FAM110C: variants seen among roughly 807,000 people sequenced by gnomAD.
FAM110C encodes family with sequence similarity 110 member C, also known as protein FAM110C.
In FAM110C, 19 loss-of-function variants were observed where a neutral mutation model predicts 15.7. The observed-to-expected ratio is 1.21, with a 90% CI of 0.85 to 1.78. The LOEUF is 1.78. Ranked by LOEUF, FAM110C falls within the 40% of genes most tolerant of loss-of-function variation. FAM110C has a pLI of 0.00. For synonymous variants in FAM110C, 275 were observed against 233.9 expected (o/e 1.18, Z -1.61); for missense variants, 547 against 495.7 (o/e 1.10, Z -0.98).
chr2:44,524 A>G, intron 1 of FAM110C: 1 of 985,428 alleles, frequency 1.0e-6, no homozygotes. Context: ...ATTGAAGGGT[A>G]AGAGGAAAAA....
At position 41,227 on chromosome 2, in the gene FAM110C, C is replaced by A; in HGVS notation, c.*381G>T. ...CAAAAGGGGCACATACCATAGCATT[C>A]ATGCTTGGTTTTTATTTTCCTTGAT... On this transcript the variant is annotated 3_prime_UTR_variant, in exon 2 of 2. Coordinates refer to ENST00000327669, the MANE Select transcript of FAM110C (RefSeq NM_001077710.3). 1 of 200,198 alleles carries A rather than the reference C, an allele frequency of 5.0e-6. No homozygotes were observed. The highest frequency in any genetic ancestry group is 1.0e-5 in the Non-Finnish European group (1 of 99,964). 12.4% of individuals were successfully genotyped at this position (200,198 alleles called of 1,614,324 possible). A position where few individuals can be genotyped will look rare whatever the true frequency, so the allele number is the denominator to read the frequency against.
At chr2:43,348 A>AGTCT (rs1442519996) in intron 1 of FAM110C, 1 of 985,296 alleles carries the variant, frequency 1.0e-6, no homozygotes, top group African/African-American at 1.7e-5. Flanking sequence ...CATTGTCTCC[A>AGTCT]GTCTGGAACA....
chr2:46,105 G>A lies in FAM110C; in HGVS notation c.281C>T (p.Pro94Leu). The change falls in exon 1 of 2, where the codon CCG (proline) becomes CTG (leucine). Residue 94 changes from proline to leucine, a missense_variant. Transcript: ENST00000327669. ...GATGATCAGCGAGTCCGGTCTCAAC[G>A]GCTTCCGCGCAATAGCCCTGCGCGC... The part of the protein sequence containing the change: ...PVARRAIARK[P>L]LRPDSLIIYR... The A allele has an allele frequency of 1.3e-6, 2 of 1,505,736 alleles. No homozygotes were observed. The highest frequency in any genetic ancestry group is 1.8e-6 in the Non-Finnish European group (2 of 1,134,942). 93.3% of individuals were successfully genotyped at this position (1,505,736 alleles called of 1,614,324 possible). A position where few individuals can be genotyped will look rare whatever the true frequency, so the allele number is the denominator to read the frequency against.
At chr2:42,335 G>A in intron 1 of FAM110C, 1 of 984,936 alleles carries the variant, frequency 1.0e-6, no homozygotes, top group Non-Finnish European at 1.2e-6. Context: ...TTTTTGCCTT[G>A]AAATTAAGCA....
chr2:46,284 C>T lies in FAM110C; in HGVS notation c.102G>A (p.Arg34=). 2 of 1,361,010 alleles carry T rather than the reference C, an allele frequency of 1.5e-6. No individual in the cohort carries two copies. Among genetic ancestry groups the T allele is most frequent in the Non-Finnish European group, 1.9e-6 (2 of 1,060,532 alleles). The allele number at this position is 1,361,010 out of a possible 1,614,324, so 84.3% of individuals were successfully genotyped here. A position where few individuals can be genotyped will look rare whatever the true frequency, so the allele number is the denominator to read the frequency against. The change falls in exon 1 of 2, where the codon AGG becomes AGA. Residue 34 remains arginine (R), a synonymous_variant. Coordinates refer to ENST00000327669, the MANE Select transcript of FAM110C (RefSeq NM_001077710.3). ...RDPDAARPAR[R]SAVERLAADR... Reference sequence around the variant, plus strand: ...CCGCCGCCAGCCTCTCCACTGCGCTCCTGCGCGCCGGCCGCGCGGCGTCGG... The same window carrying T: ...CCGCCGCCAGCCTCTCCACTGCGCTTCTGCGCGCCGGCCGCGCGGCGTCGG...
In FAM110C at chr2:45,581, C is replaced by T. The variant is rs376320191; in HGVS notation, c.805G>A (p.Glu269Lys). ...GFSRHSGGDD[E>K]GLQEEELIEQ... Reference sequence around the variant, plus strand: ...ATCAGCTCCTCCTCCTGCAGCCCCTCGTCGTCGCCGCCGCTGTGCCGGGAG... The same window carrying T: ...ATCAGCTCCTCCTCCTGCAGCCCCTTGTCGTCGCCGCCGCTGTGCCGGGAG... Residue 269 changes from glutamate (E) to lysine (K), a missense_variant, in exon 1 of 2, where the codon GAG becomes AAG. Glu to Lys is a moderately conservative substitution (Grantham distance 56). Transcript: ENST00000327669. 1.9e-6 allele frequency: 3 copies of T among 1,612,738 alleles called. No homozygotes were observed. The highest frequency in any genetic ancestry group is 2.5e-6 in the Non-Finnish European group (3 of 1,179,924).
In FAM110C at chr2:46,432, C is replaced by T. The variant is rs1270797307; in HGVS notation, c.-47G>A. 1.6e-6 allele frequency: 2 copies of T among 1,239,852 alleles called. No homozygotes were observed. Among genetic ancestry groups the T allele is most frequent in the Admixed American group, 4.2e-5 (1 of 23,586 alleles). The allele number at this position is 1,239,852 out of a possible 1,614,324, so 76.8% of individuals were successfully genotyped here. On this transcript the variant is annotated 5_prime_UTR_variant, in exon 1 of 2. Transcript: ENST00000327669. ...CGGGGTTCCGGGTCCAGCGGAGACG[C>T]GCTCGAGTGGTAGAGCCAGTCAGTC...
chr2:46,039 T>C lies in FAM110C; in HGVS notation c.347A>G (p.Asp116Gly). 1 of 1,511,684 alleles carries C rather than the reference T, an allele frequency of 6.6e-7. No homozygotes were observed. The highest frequency in any genetic ancestry group is 8.8e-7 in the Non-Finnish European group (1 of 1,135,680). The allele number at this position is 1,511,684 out of a possible 1,614,324, so 93.6% of individuals were successfully genotyped here. ...CTTCACCAGGCTTGCCCTGGGGCCG[T>C]CGGCGCCCGATCCTCGCACGAATTC... Reference protein sequence around the residue: ...KCEFVRGSGADGPRASLVKKL... With the variant: ...KCEFVRGSGAGGPRASLVKKL... Residue 116 changes from aspartate to glycine, a missense_variant, in exon 1 of 2, where the codon GAC becomes GGC. Coordinates refer to ENST00000327669, the MANE Select transcript of FAM110C (RefSeq NM_001077710.3).
At chr2:43,623 G>A (rs551576055) in intron 1 of FAM110C, 2 of 985,372 alleles carry the variant, frequency 2.0e-6, no homozygotes, top group Admixed American at 6.1e-5. Context: ...TGGCTAATTC[G>A]AGATGGGAAC....
Position 46,422 on chromosome 2 carries a change from A to G in FAM110C, c.-37T>C, listed in dbSNP as rs1467005703. On this transcript the variant is annotated 5_prime_UTR_variant, in exon 1 of 2. Transcript: ENST00000327669. ...ATGGACCGACCGGGGTTCCGGGTCC[A>G]GCGGAGACGCGCTCGAGTGGTAGAG... 21 of 1,251,388 alleles carry G rather than the reference A, an allele frequency of 1.7e-5. No homozygotes were observed. Among genetic ancestry groups the G allele is most frequent in the Non-Finnish European group, 1.9e-5 (19 of 995,582 alleles). 77.5% of individuals were successfully genotyped at this position (1,251,388 alleles called of 1,614,324 possible). A position where few individuals can be genotyped will look rare whatever the true frequency, so the allele number is the denominator to read the frequency against.
intron 1 of FAM110C, chr2:42,115 T>G: frequency 7.1e-6 from 7 of 985,430 alleles, no homozygotes; most frequent in Non-Finnish European, 8.4e-6. Flanking sequence ...GCCACGTGTT[T>G]ACCTAAAATG....
At position 46,301 on chromosome 2, in the gene FAM110C, C is replaced by T. The variant is rs1434155029; in HGVS notation, c.85G>A (p.Ala29Thr). 6.0e-6 allele frequency: 8 copies of T among 1,338,058 alleles called. No homozygotes were observed. The highest frequency in any genetic ancestry group is 3.8e-5 in the Admixed American group (1 of 26,416). 82.9% of individuals were successfully genotyped at this position (1,338,058 alleles called of 1,614,324 possible). ...DPAATRDPDA[A>T]RPARRSAVER... is the part of the protein sequence containing the mutation. Reference sequence around the variant, plus strand: ...ACTGCGCTCCTGCGCGCCGGCCGCGCGGCGTCGGGGTCCCGGGTAGCCGCG... The same window carrying T: ...ACTGCGCTCCTGCGCGCCGGCCGCGTGGCGTCGGGGTCCCGGGTAGCCGCG... The change falls in exon 1 of 2, where the codon GCG becomes ACG. Residue 29 changes from alanine to threonine, a missense_variant. Coordinates refer to ENST00000327669, the MANE Select transcript of FAM110C (RefSeq NM_001077710.3).
At chr2:44,497 A>T (rs1664222825) in intron 1 of FAM110C, 1 of 985,272 alleles carries the variant, frequency 1.0e-6, no homozygotes, top group Admixed American at 6.1e-5. Context: ...TTTAAAATTT[A>T]CTTATAGCAA....
Position 41,254 on chromosome 2 carries a change from T to TA in FAM110C, c.*353dup, listed in dbSNP as rs200762645. 0.013 allele frequency: 3,055 copies of TA among 235,642 alleles called. 30 individuals carry two copies. Among genetic ancestry groups the TA allele is most frequent in the Non-Finnish European group, 0.016 (2,002 of 123,344 alleles). The allele number at this position is 235,642 out of a possible 1,614,324, so 14.6% of individuals were successfully genotyped here. ...TGCTTGGTTTTTATTTTCCTTGATT[T>TA]AAAAAAAAATCAACTTAGATATTGT... On this transcript the variant is annotated 3_prime_UTR_variant, in exon 2 of 2. Transcript: ENST00000327669.
chr2:44,696 C>T (rs996136986), intron 1 of FAM110C: 3 of 985,376 alleles, frequency 3.0e-6, no homozygotes, highest in East Asian at 1.1e-4. Flanking sequence ...GAGGTCAATC[C>T]GGCACTACTG....
chr2:45,087 T>C (rs1051599021), intron 1 of FAM110C: 14 of 985,324 alleles, frequency 1.4e-5, no homozygotes, highest in Admixed American at 1.2e-4. Context: ...CAGGAAAGAA[T>C]ACTAGGGGTG....
At chr2:44,481 A>G in intron 1 of FAM110C, 1 of 985,398 alleles carries the variant, frequency 1.0e-6, no homozygotes, top group South Asian at 4.7e-5. Context: ...ATTTCATCTC[A>G]TGATTTTTAA....
intron 1 of FAM110C, chr2:43,094 T>C: frequency 1.0e-6 from 1 of 985,506 alleles, no homozygotes; most frequent in South Asian, 4.7e-5. Context: ...ACTGTTCCGG[T>C]GATCTGGAGA....
In FAM110C at chr2:46,185, C is replaced by T. The variant is rs745732030; in HGVS notation, c.201G>A (p.Ala67=). 48 of 1,377,958 alleles carry T rather than the reference C, an allele frequency of 3.5e-5. No individual in the cohort carries two copies. The highest frequency in any genetic ancestry group is 4.4e-5 in the Non-Finnish European group (47 of 1,072,840). The allele number at this position is 1,377,958 out of a possible 1,614,324, so 85.4% of individuals were successfully genotyped here. A position where few individuals can be genotyped will look rare whatever the true frequency, so the allele number is the denominator to read the frequency against. ...CAGGGTCGTTCCCCGGGCACTTGAT[C>T]GCCCCCGGGCCGCTGCCCTCGGAAG... ...GVASEGSGPG[A]IKCPGNDPGP... Residue 67 remains alanine, a synonymous_variant, in exon 1 of 2, where the codon GCG becomes GCA. Coordinates refer to ENST00000327669, the MANE Select transcript of FAM110C (RefSeq NM_001077710.3).
Sources: allele counts gnomAD v4.1 joint callset, GRCh38; gene constraint gnomAD v4.1.1; transcripts MANE v1.5; gene names NCBI Gene and HGNC (gene_info 2026-07-23, HGNC 2026-07-21).